The following GAS7 variants were observed in gnomAD, a reference collection of about 807,000 sequenced individuals.
GAS7 encodes growth arrest-specific protein 7.
A neutral mutation model predicts 71.1 loss-of-function variants in GAS7; 28 were observed. That is an observed-to-expected ratio of 0.39 (90% CI 0.29 to 0.54). GAS7 has a LOEUF of 0.54. GAS7 is among the 20% of genes least tolerant of loss of function. GAS7 has a pLI of 0.62. For synonymous variants in GAS7, 258 were observed against 245.8 expected, an observed-to-expected ratio of 1.05 and a Z score of -0.46; for missense variants, 436 against 627.8, an observed-to-expected ratio of 0.69 and a Z score of 3.27.
intron 3 of GAS7, among the ~76,000 whole-genome samples, chr17:9,975,532 C>A (rs927827370): frequency 3.1e-4 from 39 of 127,648 alleles, no homozygotes; most frequent in Admixed American, 7.2e-4. Flanking sequence ...TTCTTTCTCA[C>A]CCCCCCCTTT....
At chr17:9,979,476 G>T (rs957085288) in intron 3 of GAS7, among the ~76,000 whole-genome samples, 4 of 152,210 alleles carry the variant, frequency 2.6e-5, no homozygotes, top group Non-Finnish European at 5.9e-5. Context: ...GTAGGGTAAA[G>T]AAGGGAGCCT....
chr17:9,949,157 G>A (rs1166011058), intron 5 of GAS7, among the ~76,000 whole-genome samples: 1 of 147,590 alleles, frequency 6.8e-6, no homozygotes, highest in Non-Finnish European at 1.5e-5. Context: ...AGAGGCTGCA[G>A]AGATGCGTCC....
chr17:9,951,368 T>G (rs920153941), intron 5 of GAS7, among the ~76,000 whole-genome samples: 2 of 152,246 alleles, frequency 1.3e-5, no homozygotes, highest in Non-Finnish European at 1.5e-5. Flanking sequence ...TGGAGTGGCC[T>G]GCCCTGCGGG....
At chr17:10,007,268 A>G (rs1322441416) in intron 2 of GAS7, among the ~76,000 whole-genome samples, 1 of 152,118 alleles carries the variant, frequency 6.6e-6, no homozygotes, top group Non-Finnish European at 1.5e-5. Flanking sequence ...TTTCCGAGGT[A>G]TTTCTGACAC....
rs1160491731 is a variant in GAS7, at chr17:9,981,636, C to T, written c.385+168G>A. Reference sequence around the variant, plus strand: ...GCTGCTGCTGGCACTGCCAGGGAGACACCAACCTGCTTGGCAGCAGGCCTA... The same window carrying T: ...GCTGCTGCTGGCACTGCCAGGGAGATACCAACCTGCTTGGCAGCAGGCCTA... On this transcript the variant is annotated intron_variant, in intron 3 of 13. Coordinates refer to ENST00000432992, the MANE Select transcript of GAS7 (RefSeq NM_201433.2). The surrounding 1 kb of genome is among the most constrained non-coding windows in gnomAD (Gnocchi z 4.4). Among the ~76,000 whole-genome samples, 1 of 152,138 alleles carries T rather than the reference C, an allele frequency of 6.6e-6. No homozygotes were observed. Among genetic ancestry groups the T allele is most frequent in the Non-Finnish European group, 1.5e-5 (1 of 68,020 alleles).
rs563268739 is a variant in GAS7 at position 10,057,890 on chromosome 17, T to C, written c.184-37993A>G. On this transcript the variant is annotated intron_variant, in intron 1 of 13. Transcript: ENST00000432992. The stretch of plus-strand genomic sequence containing the variant: ...AGAAGTAGACATAGGAGACTCCATT[T>C]TGTTCTGTACTAAGAAAAATTCTTC... Among the ~76,000 whole-genome samples, 10 of 152,364 alleles carry C rather than the reference T, an allele frequency of 6.6e-5. No individual in the cohort carries two copies. In the South Asian group the frequency reaches 1.9e-3, roughly 28 times the overall value.
intron 1 of GAS7, among the ~76,000 whole-genome samples, chr17:10,181,907 T>G (rs889342646): frequency 2.0e-5 from 3 of 152,072 alleles, no homozygotes; most frequent in Non-Finnish European, 4.4e-5. Context: ...ATAGGGTAAT[T>G]ATAACACATT....
chr17:9,917,545 T>G (rs2067625132), intron 13 of GAS7, among the ~76,000 whole-genome samples: 1 of 152,106 alleles, frequency 6.6e-6, no homozygotes, highest in Admixed American at 6.5e-5. Flanking sequence ...CGACCCTGCT[T>G]CTCACCCTGC....
intron 1 of GAS7, among the ~76,000 whole-genome samples, chr17:10,144,766 T>G (rs1567609316): frequency 6.6e-6 from 1 of 152,166 alleles, no homozygotes; most frequent in African/African-American, 2.4e-5. Flanking sequence ...CAGGCTGTTC[T>G]TGAACTCCTG....
chr17:10,048,663 A>T (rs892257396), intron 1 of GAS7, among the ~76,000 whole-genome samples: 1 of 152,224 alleles, frequency 6.6e-6, no homozygotes. Flanking sequence ...AAACTTTGTA[A>T]TTCAAGACAT....
rs185540017 is a variant in GAS7, at chr17:9,981,135, T to A, written c.385+669A>T. Reference sequence around the variant, plus strand: ...GGCGAAATCCCGTCTCTACTAAAAATACACAAATTAGCCGGGTGTGGTGGT... The same window carrying A: ...GGCGAAATCCCGTCTCTACTAAAAAAACACAAATTAGCCGGGTGTGGTGGT... On this transcript the variant is annotated intron_variant, in intron 3 of 13. Coordinates refer to ENST00000432992, the MANE Select transcript of GAS7 (RefSeq NM_201433.2). The surrounding 1 kb of genome is among the most constrained non-coding windows in gnomAD (Gnocchi z 4.4). Among the ~76,000 whole-genome samples, 318 of 152,170 alleles carry A rather than the reference T, an allele frequency of 2.1e-3. 1 individual carries two copies. Among genetic ancestry groups the A allele is most frequent in the African/African-American group, 7.5e-3 (311 of 41,516 alleles).
Position 9,918,007 on chromosome 17 carries a change from G to A in GAS7, c.1311C>T (p.Asn437=), listed in dbSNP as rs779012858. The change falls in exon 13 of 14, where the codon AAC becomes AAT. Residue 437 remains asparagine (N), a synonymous_variant. Transcript: ENST00000432992. ...TQLRHETDMF[N]QSTVEPVDQL... ...CGCTGGGCTGGAAACTCACGCTTTG[G>A]TTGAACATGTCTGTTTCATGCCGCA... 3 of 1,611,876 alleles carry A rather than the reference G, an allele frequency of 1.9e-6. No homozygotes were observed. Among genetic ancestry groups the A allele is most frequent in the African/African-American group, 1.3e-5 (1 of 74,996 alleles).
intron 1 of GAS7, among the ~76,000 whole-genome samples, chr17:10,028,280 G>A (rs1567554937): frequency 6.6e-6 from 1 of 152,232 alleles, no homozygotes; most frequent in Non-Finnish European, 1.5e-5. Flanking sequence ...AGGCTGAGGG[G>A]GGAGGACTGC....
chr17:10,150,727 T>A (rs2074159384), intron 1 of GAS7, among the ~76,000 whole-genome samples: 1 of 151,822 alleles, frequency 6.6e-6, no homozygotes, highest in African/African-American at 2.4e-5. Flanking sequence ...TAGCTGGGAT[T>A]ACAGGCATGC....
intron 1 of GAS7, among the ~76,000 whole-genome samples, chr17:10,139,233 TA>T (rs2074062748): frequency 6.6e-6 from 1 of 152,230 alleles, no homozygotes; most frequent in Non-Finnish European, 1.5e-5. Context: ...GTATCATCTA[TA>T]ACCAATTTTA....
intron 1 of GAS7, among the ~76,000 whole-genome samples, chr17:10,098,220 C>T (rs113716189): frequency 8.5e-5 from 13 of 152,132 alleles, no homozygotes; most frequent in South Asian, 4.1e-4. Context: ...GCTGGAGCCG[C>T]GGGCTACAAG....
intron 1 of GAS7, among the ~76,000 whole-genome samples, chr17:10,027,647 C>G (rs1343866739): frequency 6.6e-6 from 1 of 152,220 alleles, no homozygotes; most frequent in Non-Finnish European, 1.5e-5. Flanking sequence ...CAACATGGTG[C>G]CATCTTGGAG....
intron 1 of GAS7, among the ~76,000 whole-genome samples, chr17:10,092,566 C>A (rs758659422): frequency 6.6e-6 from 1 of 152,182 alleles, no homozygotes; most frequent in Non-Finnish European, 1.5e-5. Context: ...GGTGAGCGTT[C>A]AACAGGTTGA....
At chr17:10,187,510 T>C (rs2074464476) in intron 1 of GAS7, among the ~76,000 whole-genome samples, 1 of 152,238 alleles carries the variant, frequency 6.6e-6, no homozygotes, top group South Asian at 2.1e-4. Context: ...GTTACTCGCT[T>C]TGCTCATCAA....
Sources: gnomAD v4.1 joint callset for allele counts (sites outside exome capture counted in the v4.1 genomes callset) on GRCh38, gnomAD v4.1.1 for gene constraint, Gnocchi (gnomAD v3.1) non-coding constraint, MANE v1.5 for transcripts, NCBI Gene and HGNC (gene_info 2026-07-23, HGNC 2026-07-21) for gene names.